PRKG1: variants seen among roughly 807,000 people sequenced by gnomAD.
PRKG1 encodes protein kinase cGMP-dependent 1.
A neutral mutation model predicts 88.1 loss-of-function variants in PRKG1; 35 were observed. The ratio of observed to expected loss-of-function variants is 0.40; its 90% CI spans 0.30 to 0.53. PRKG1 has a LOEUF of 0.53. PRKG1 is among the 20% of genes least tolerant of loss of function. The pLI is 0.59. For missense variants in PRKG1, 540 were observed against 839.8 expected (o/e 0.64, Z 4.41); for synonymous variants, 303 against 292.5 (o/e 1.04, Z -0.37).
chr10:51,910,413 C>T (rs1164263116), intron 5 of PRKG1: 3 of 152,078 alleles, frequency 2.0e-5, no homozygotes, highest in African/African-American at 7.2e-5. Flanking sequence ...GTTCCAAGGT[C>T]CTTGAGAAGG....
At chr10:52,065,687 C>T (rs924913864) in intron 7 of PRKG1, among the ~76,000 whole-genome samples, 7 of 151,954 alleles carry the variant, frequency 4.6e-5, no homozygotes, top group Admixed American at 2.6e-4. Flanking sequence ...AGATTTTTTT[C>T]AATGTCAAAG....
At chr10:51,141,168 T>C (rs1228059920) in intron 1 of PRKG1, among the ~76,000 whole-genome samples, 1 of 152,156 alleles carries the variant, frequency 6.6e-6, no homozygotes, top group African/African-American at 2.4e-5. Context: ...GCATCCACCT[T>C]TAACTAGCTG....
At chr10:52,280,976 T>C (rs370219353) in intron 13 of PRKG1, 46 bp downstream of exon 13, 1 of 1,572,966 alleles carries the variant, frequency 6.4e-7, no homozygotes, top group African/African-American at 1.4e-5. Context: ...ATTAAAAATA[T>C]TTGTTTATAA....
At position 51,922,589 on chromosome 10, in the gene PRKG1, G is replaced by GTT. The variant is rs144217141; in HGVS notation, c.762+15020_762+15021dup. The stretch of plus-strand genomic sequence containing the variant: ...TGCTACATTCCAGGAATTTTGGTAA[G>GTT]TTGCATTTTGATTTTCAGTTAGCCC... On this transcript the variant is annotated intron_variant, in intron 5 of 17. Transcript: ENST00000373980. Among the ~76,000 whole-genome samples the GTT allele has an allele frequency of 7.6e-3, 1,150 of 151,810 alleles. 14 individuals carry two copies. The highest frequency in any genetic ancestry group is 0.026 in the African/African-American group (1,076 of 41,478).
intron 5 of PRKG1, among the ~76,000 whole-genome samples, chr10:51,948,302 C>G (rs1053865392): frequency 1.3e-5 from 2 of 152,006 alleles, no homozygotes; most frequent in African/African-American, 2.4e-5. Context: ...ATTTACATTC[C>G]TACTTTAAGT....
At chr10:51,818,899 T>C (rs1839664605) in intron 4 of PRKG1, among the ~76,000 whole-genome samples, 1 of 125,482 alleles carries the variant, frequency 8.0e-6, no homozygotes, top group Admixed American at 7.3e-5. Flanking sequence ...CCCAGCTACT[T>C]GGGAGGCTGA....
intron 2 of PRKG1, among the ~76,000 whole-genome samples, chr10:51,168,844 A>G (rs1209758762): frequency 6.6e-6 from 1 of 152,200 alleles, no homozygotes. Context: ...ACAGATCAAC[A>G]ATAGGCAAGT....
At chr10:51,543,197 G>A (rs1842355852) in intron 3 of PRKG1, among the ~76,000 whole-genome samples, 5 of 152,114 alleles carry the variant, frequency 3.3e-5, no homozygotes, top group African/African-American at 1.2e-4. Context: ...TAATGTGCTT[G>A]TCAAATTGAA....
chr10:51,347,091 G>A (rs1358490847), intron 2 of PRKG1, among the ~76,000 whole-genome samples: 1 of 151,030 alleles, frequency 6.6e-6, no homozygotes, highest in African/African-American at 2.4e-5. Flanking sequence ...TAGCCACTGC[G>A]GCCACATGCT....
At chr10:51,085,783 C>T (rs549402163) in intron 1 of PRKG1, among the ~76,000 whole-genome samples, 4 of 151,918 alleles carry the variant, frequency 2.6e-5, no homozygotes, top group Non-Finnish European at 4.4e-5. Context: ...TCATTTAATA[C>T]CTAGCTTTAT....
intron 9 of PRKG1, among the ~76,000 whole-genome samples, chr10:52,211,959 T>C (rs1839988540): frequency 6.6e-6 from 1 of 152,160 alleles, no homozygotes; most frequent in Non-Finnish European, 1.5e-5. Context: ...TGAACATTGG[T>C]AGTGTGTTTT....
At chr10:51,632,846 G>A (rs376817376) in intron 3 of PRKG1, among the ~76,000 whole-genome samples, 1 of 152,188 alleles carries the variant, frequency 6.6e-6, no homozygotes, top group South Asian at 2.1e-4. Flanking sequence ...AGTCCATAAA[G>A]ACAGAGGAGT....
At chr10:52,051,424 C>T (rs965506348) in intron 5 of PRKG1, among the ~76,000 whole-genome samples, 1 of 152,134 alleles carries the variant, frequency 6.6e-6, no homozygotes. Context: ...TGGAGAAGCT[C>T]TTGGGAAGTC....
At chr10:51,672,302 C>A (rs966387865) in intron 3 of PRKG1, among the ~76,000 whole-genome samples, 39 of 152,000 alleles carry the variant, frequency 2.6e-4, no homozygotes, top group Non-Finnish European at 5.9e-5. Context: ...ATCTCCTTAA[C>A]TCTGTATTTT....
chr10:51,853,185 C>G (rs1457392699), intron 4 of PRKG1, among the ~76,000 whole-genome samples: 1 of 152,002 alleles, frequency 6.6e-6, no homozygotes, highest in African/African-American at 2.4e-5. Flanking sequence ...ACCTGTGTAC[C>G]CCACCACAGT....
At chr10:52,072,653 G>A (rs1449424403) in intron 7 of PRKG1, among the ~76,000 whole-genome samples, 1 of 152,038 alleles carries the variant, frequency 6.6e-6, no homozygotes, top group Non-Finnish European at 1.5e-5. Flanking sequence ...CAGAAATTTG[G>A]ACATTATCCT....
At chr10:52,293,482 G>A (rs1842314381) in intron 17 of PRKG1, among the ~76,000 whole-genome samples, 1 of 152,148 alleles carries the variant, frequency 6.6e-6, no homozygotes, top group Admixed American at 6.5e-5. Context: ...AACAAAGCTG[G>A]AGGCATCACG....
intron 2 of PRKG1, among the ~76,000 whole-genome samples, chr10:51,312,112 T>C (rs758633275): frequency 3.3e-5 from 5 of 152,164 alleles, no homozygotes; most frequent in Non-Finnish European, 5.9e-5. Flanking sequence ...CCTCAGGTGA[T>C]CTGCCCGCCT....
At chr10:51,557,599 C>T (rs776710458) in intron 3 of PRKG1, among the ~76,000 whole-genome samples, 9 of 152,016 alleles carry the variant, frequency 5.9e-5, no homozygotes, top group South Asian at 2.1e-4. Flanking sequence ...TTAGAAACCT[C>T]GTGTAGCAGG....
Sources: gnomAD v4.1 joint callset for allele counts (sites outside exome capture counted in the v4.1 genomes callset) on GRCh38, gnomAD v4.1.1 for gene constraint, MANE v1.5 for transcripts, NCBI Gene and HGNC (gene_info 2026-07-23, HGNC 2026-07-21) for gene names.